Variants in ADGRL3 observed in about 807,000 individuals in gnomAD.
ADGRL3 encodes the protein adhesion G protein-coupled receptor L3, also known as calcium-independent alpha-latrotoxin receptor 3.
ADGRL3 carries 62 observed loss-of-function variants against 153.5 expected under a neutral mutation model. The observed-to-expected ratio is 0.40, with a 90% CI of 0.33 to 0.50. The LOEUF is 0.50. ADGRL3 is among the 20% of genes least tolerant of loss of function. The pLI is 0.47. For synonymous variants in ADGRL3, 710 were observed against 672.5 expected (o/e 1.06, Z -0.86); for missense variants, 1,641 against 1,859.4 (o/e 0.88, Z 2.16).
chr4:61,761,082 A>C lies in ADGRL3; in HGVS notation c.1399+27528A>C, dbSNP rs546123902. ...ACAAGATCAAATGAGCCACTTTATC[A>C]ATCTGGGTGATGCCAGCTGGTCCAT... On this transcript the variant is annotated intron_variant, in intron 8 of 26. Coordinates refer to ENST00000683033, the MANE Select transcript of ADGRL3 (RefSeq NM_001387552.1). 4.6e-5 allele frequency among the ~76,000 whole-genome samples: 7 copies of C among 152,324 alleles called. No individual in the cohort carries two copies. The East Asian group carries it at 1.4e-3, about 29-fold the overall frequency.
At chr4:61,423,480 A>C (rs990473089) in intron 2 of ADGRL3, among the ~76,000 whole-genome samples, 1 of 152,218 alleles carries the variant, frequency 6.6e-6, no homozygotes, top group African/African-American at 2.4e-5. Context: ...TGTGTTAGAT[A>C]ATCTGGACTT....
intron 9 of ADGRL3, among the ~76,000 whole-genome samples, chr4:61,849,162 T>G (rs773915035): frequency 1.3e-5 from 2 of 152,162 alleles, no homozygotes; most frequent in Non-Finnish European, 2.9e-5. Context: ...TTTCTCCACT[T>G]TGTCTAAGTT....
rs1016129202 is a variant in ADGRL3 at position 62,077,417 on chromosome 4, G to T, written c.*6509G>T. On this transcript the variant is annotated 3_prime_UTR_variant, in exon 27 of 27. Coordinates refer to ENST00000683033, the MANE Select transcript of ADGRL3 (RefSeq NM_001387552.1). ...GGCAAGGAAATATGTTTAAAGCCGA[G>T]AACTAAAATAGCTTTTTAAAATTTA... is the stretch of plus-strand genomic sequence containing the variant. The T allele has an allele frequency of 7.9e-5, 12 of 151,914 alleles. No individual in the cohort carries two copies. Among genetic ancestry groups the T allele is most frequent in the Admixed American group, 5.9e-4 (9 of 15,242 alleles). The allele number at this position is 151,914 out of a possible 1,614,324, so 9.4% of individuals were successfully genotyped here.
chr4:62,038,432 T>A (rs1401694537), intron 24 of ADGRL3, among the ~76,000 whole-genome samples: 1 of 152,038 alleles, frequency 6.6e-6, no homozygotes, highest in African/African-American at 2.4e-5. Context: ...ACCAGAAAAA[T>A]TTTAAGCTTT....
intron 9 of ADGRL3, among the ~76,000 whole-genome samples, chr4:61,818,001 T>A (rs1278102103): frequency 6.6e-6 from 1 of 151,982 alleles, no homozygotes; most frequent in Non-Finnish European, 1.5e-5. Flanking sequence ...CCCTCCCAAA[T>A]CTCATGTGCT....
intron 1 of ADGRL3, among the ~76,000 whole-genome samples, chr4:61,286,313 T>TG (rs1293046429): frequency 6.6e-6 from 1 of 151,382 alleles, no homozygotes; most frequent in Admixed American, 6.6e-5. Flanking sequence ...TTCTTTTTTT[T>TG]TTTTTGAAAT....
chr4:61,993,580 C>T (rs1260029823), intron 19 of ADGRL3, among the ~76,000 whole-genome samples: 1 of 152,056 alleles, frequency 6.6e-6, no homozygotes, highest in Admixed American at 6.6e-5. Flanking sequence ...GCCTGAGCCA[C>T]ATGCCCAGCC....
intron 2 of ADGRL3, among the ~76,000 whole-genome samples, chr4:61,481,161 A>G (rs2098128084): frequency 6.6e-6 from 1 of 152,204 alleles, no homozygotes; most frequent in Non-Finnish European, 1.5e-5. Flanking sequence ...AAGCTCAATG[A>G]TAGGATTTAA....
At chr4:61,296,090 A>G (rs2150251165) in intron 1 of ADGRL3, among the ~76,000 whole-genome samples, 1 of 152,344 alleles carries the variant, frequency 6.6e-6, no homozygotes, top group East Asian at 1.9e-4. Flanking sequence ...TGGTGGCTGC[A>G]TAGTATGAAT....
At chr4:61,291,589 TATATATATATATATACACACAC>T (rs1398782700) in intron 1 of ADGRL3, among the ~76,000 whole-genome samples, 1,308 of 42,348 alleles carry the variant, frequency 0.031, 34 homozygotes, top group African/African-American at 0.081. Context: ...TATACATATA[TATATATATATATATACACACAC>T]ATATATATAT....
chr4:61,770,293 G>T (rs2097068325), intron 8 of ADGRL3, among the ~76,000 whole-genome samples: 1 of 152,186 alleles, frequency 6.6e-6, no homozygotes, highest in South Asian at 2.1e-4. Flanking sequence ...AATTTTGGGA[G>T]ATGGACACTG....
At chr4:61,463,126 G>GGT (rs749402859) in intron 2 of ADGRL3, among the ~76,000 whole-genome samples, 51 of 152,204 alleles carry the variant, frequency 3.4e-4, no homozygotes, top group Non-Finnish European at 6.0e-4. Context: ...AGGAGCAAGG[G>GGT]GTGTGTGTAA....
intron 23 of ADGRL3, 28 bp downstream of exon 23, chr4:62,031,638 A>C: frequency 6.6e-7 from 1 of 1,514,084 alleles, no homozygotes. Flanking sequence ...TTTTAAAATA[A>C]AAATGGCATA....
At chr4:62,004,483 C>T (rs929271770) in intron 21 of ADGRL3, among the ~76,000 whole-genome samples, 10 of 151,916 alleles carry the variant, frequency 6.6e-5, no homozygotes, top group Non-Finnish European at 1.5e-4. Context: ...TACTGATATA[C>T]CGATTTTTAT....
At chr4:61,712,070 C>T (rs1287725674) in intron 6 of ADGRL3, among the ~76,000 whole-genome samples, 2 of 152,112 alleles carry the variant, frequency 1.3e-5, no homozygotes, top group Non-Finnish European at 1.5e-5. Context: ...CAGTTACATT[C>T]GCAAAGAACA....
chr4:61,776,687 A>G (rs1336395618), intron 8 of ADGRL3, among the ~76,000 whole-genome samples: 6 of 152,306 alleles, frequency 3.9e-5, no homozygotes, highest in Non-Finnish European at 7.3e-5. Context: ...TAGTATTGTA[A>G]TAACATAAAA....
In ADGRL3 at chr4:62,074,642, A is replaced by G. The variant is rs1298505021; in HGVS notation, c.*3734A>G. 1 of 152,214 alleles carries G rather than the reference A, an allele frequency of 6.6e-6. No homozygotes were observed. The highest frequency in any genetic ancestry group is 2.4e-5 in the African/African-American group (1 of 41,462). The allele number at this position is 152,214 out of a possible 1,614,324, so 9.4% of individuals were successfully genotyped here. ...CTGACAGAACAATTATCTTGAAGTA[A>G]CAATAATCAGGAAAATATCTAACAA... On this transcript the variant is annotated 3_prime_UTR_variant, in exon 27 of 27. Coordinates refer to ENST00000683033, the MANE Select transcript of ADGRL3 (RefSeq NM_001387552.1).
At chr4:61,603,349 T>C (rs1164839196) in intron 5 of ADGRL3, among the ~76,000 whole-genome samples, 1 of 152,194 alleles carries the variant, frequency 6.6e-6, no homozygotes, top group Non-Finnish European at 1.5e-5. Context: ...AGGGAAGGGT[T>C]TCACTATAAA....
At chr4:61,370,488 C>T (rs978199111) in intron 1 of ADGRL3, among the ~76,000 whole-genome samples, 2 of 151,910 alleles carry the variant, frequency 1.3e-5, no homozygotes, top group Non-Finnish European at 2.9e-5. Flanking sequence ...TCGTTATGTA[C>T]CCAGTAGTCA....
Sources: gnomAD v4.1 joint callset for allele counts (sites outside exome capture counted in the v4.1 genomes callset) on GRCh38, gnomAD v4.1.1 for gene constraint, MANE v1.5 for transcripts, NCBI Gene and HGNC (gene_info 2026-07-23, HGNC 2026-07-21) for gene names.